Variants in KIF24 observed in about 807,000 individuals in gnomAD.
KIF24 encodes the protein kinesin family member 24, also known as kinesin-like protein KIF24.
A neutral mutation model predicts 118.9 loss-of-function variants in KIF24; 81 were observed. The observed-to-expected ratio is 0.68, with a 90% confidence interval of 0.57 to 0.82. The LOEUF (loss-of-function observed/expected upper bound fraction) is 0.82, where lower values mean the gene tolerates loss of function less well. KIF24 is among the 40% of genes least tolerant of loss of function. The probability of loss-of-function intolerance (pLI) is 0.00; values close to 1 mark genes in which losing one functional copy is unlikely to be tolerated. For missense variants in KIF24, 1,560 were observed against 1,661.6 expected, an observed-to-expected ratio of 0.94 and a Z score of 1.06; for synonymous variants, 599 against 610.0, an observed-to-expected ratio of 0.98 and a Z score of 0.27.
At chr9:34,269,427 T>G in intron 7 of KIF24, 65 bp from the exon 8 acceptor site, 1 of 805,882 alleles carries the variant, frequency 1.2e-6, no homozygotes, top group African/African-American at 1.8e-5. Flanking sequence ...TTATTTTTAT[T>G]ATTATTTTTT....
At chr9:34,271,281 C>A (rs867470532) in intron 7 of KIF24, among the ~76,000 whole-genome samples, 13 of 146,660 alleles carry the variant, frequency 8.9e-5, no homozygotes, top group African/African-American at 3.0e-4. Context: ...ACTTAAGTAA[C>A]CACTTAGGTA....
Position 34,257,487 on chromosome 9 carries a change from T to G in KIF24, c.2120A>C (p.Gln707Pro). 7 of 1,614,096 alleles carry G rather than the reference T, an allele frequency of 4.3e-6. No homozygotes were observed. The highest frequency in any genetic ancestry group is 5.9e-6 in the Non-Finnish European group (7 of 1,179,912). The change falls in exon 11 of 13, where the codon CAG (glutamine) becomes CCG (proline). Residue 707 changes from glutamine to proline, a missense_variant. This residue lies in a region of KIF24 where 964 missense variants were observed against 988.0 expected (regional missense o/e 0.98). Coordinates refer to ENST00000402558, the MANE Select transcript of KIF24 (RefSeq NM_194313.4). ...GKLSTKCKKV[Q>P]TVQPVQKQLV... ...CTGCTTCTGTACTGGCTGCACTGTC[T>G]GCACTTTCTTGCACTTGGTGGACAG...
chr9:34,321,236 C>T (rs1259207026), intron 1 of KIF24, among the ~76,000 whole-genome samples: 1 of 151,710 alleles, frequency 6.6e-6, no homozygotes, highest in Non-Finnish European at 1.5e-5. Context: ...ATTTTTATTT[C>T]AAATATCTGT....
At chr9:34,314,875 G>C (rs528180927) in intron 1 of KIF24, among the ~76,000 whole-genome samples, 4 of 152,236 alleles carry the variant, frequency 2.6e-5, no homozygotes, top group Non-Finnish European at 5.9e-5. Context: ...ATTTAAAAAA[G>C]AAAGCTGTCC....
intron 3 of KIF24, among the ~76,000 whole-genome samples, chr9:34,300,043 T>C (rs1836639440): frequency 6.6e-6 from 1 of 152,172 alleles, no homozygotes; most frequent in Admixed American, 6.6e-5. Context: ...GCCAATTTAC[T>C]GTGGGTCACT....
At chr9:34,262,965 C>T (rs1003956110) in intron 9 of KIF24, 136 bp downstream of exon 9, 4 of 661,474 alleles carry the variant, frequency 6.0e-6, no homozygotes, top group African/African-American at 5.4e-5. Context: ...GAATTTCACT[C>T]CTCTCCTTCT....
chr9:34,298,900 C>A (rs888768050), intron 3 of KIF24, among the ~76,000 whole-genome samples: 1 of 151,866 alleles, frequency 6.6e-6, no homozygotes, highest in African/African-American at 2.4e-5. Flanking sequence ...AAGACGACTT[C>A]CAAATGAAAA....
In KIF24 at chr9:34,255,946, C is replaced by G; in HGVS notation, c.3661G>C (p.Ala1221Pro). The G allele has an allele frequency of 6.2e-7, 1 of 1,613,946 alleles. No homozygotes were observed. The highest frequency in any genetic ancestry group is 8.5e-7 in the Non-Finnish European group (1 of 1,179,868). ...GSSDVADQLW[A>P]QERKHPTRLG... is the part of the protein sequence containing the mutation. ...CTTGTAGGATGTTTTCTCTCCTGGG[C>G]CCAGAGCTGGTCAGCCACATCACTA... Residue 1221 changes from alanine (A) to proline (P), a missense_variant, in exon 11 of 13, where the codon GCC becomes CCC. Around this residue, in one of 3 missense-constraint regions of KIF24, gnomAD observed 591 missense variants for 655.6 expected, o/e 0.90. Transcript: ENST00000402558.
At chr9:34,310,596 CATG>C in intron 2 of KIF24, 125 bp downstream of exon 2, 1 of 618,220 alleles carries the variant, frequency 1.6e-6, no homozygotes, top group Non-Finnish European at 2.7e-6. Flanking sequence ...AAATGCTGTT[CATG>C]ATAATTTCTG....
chr9:34,322,787 C>T (rs1441608587), intron 1 of KIF24, among the ~76,000 whole-genome samples: 1 of 152,032 alleles, frequency 6.6e-6, no homozygotes, highest in Non-Finnish European at 1.5e-5. Context: ...GCCTGGGAGG[C>T]GGAGGTTGCA....
intron 7 of KIF24, among the ~76,000 whole-genome samples, chr9:34,269,566 C>G (rs1023970994): frequency 1.3e-5 from 2 of 151,988 alleles, no homozygotes; most frequent in South Asian, 4.2e-4. Context: ...ACTACAGGCG[C>G]CCGCCACCAC....
At chr9:34,297,687 A>G (rs555881214) in intron 3 of KIF24, among the ~76,000 whole-genome samples, 252 of 151,802 alleles carry the variant, frequency 1.7e-3, no homozygotes, top group African/African-American at 5.9e-3. Flanking sequence ...GCGTGAACCC[A>G]GGAGGTGGAG....
chr9:34,276,402 C>CA (rs11419785), intron 6 of KIF24, among the ~76,000 whole-genome samples: 27,723 of 80,318 alleles, frequency 0.35, 3,400 homozygotes, highest in East Asian at 0.49. Context: ...AACTGCATCT[C>CA]AAAAAAAAAA....
intron 2 of KIF24, among the ~76,000 whole-genome samples, chr9:34,307,056 T>G (rs1239573122): frequency 6.6e-6 from 1 of 152,102 alleles, no homozygotes; most frequent in East Asian, 1.9e-4. Context: ...TCCTTAGCCC[T>G]CCAACTGGCT....
intron 2 of KIF24, among the ~76,000 whole-genome samples, chr9:34,307,881 A>G (rs1324427694): frequency 1.3e-5 from 2 of 149,148 alleles, no homozygotes. Flanking sequence ...AAAAAAAAAG[A>G]AAAAAGAAAA....
At chr9:34,292,619 C>A (rs1836297126) in intron 4 of KIF24, among the ~76,000 whole-genome samples, 1 of 151,994 alleles carries the variant, frequency 6.6e-6, no homozygotes, top group African/African-American at 2.4e-5. Context: ...AGGTAGAAAA[C>A]AAAGAAAGAG....
intron 6 of KIF24, among the ~76,000 whole-genome samples, chr9:34,283,809 C>T (rs780006262): frequency 1.3e-5 from 2 of 152,150 alleles, no homozygotes; most frequent in Non-Finnish European, 2.9e-5. Context: ...TATTCTCAAT[C>T]AGGGAAATGC....
At chr9:34,304,888 T>C (rs1385998933) in intron 3 of KIF24, among the ~76,000 whole-genome samples, 4 of 152,208 alleles carry the variant, frequency 2.6e-5, no homozygotes, top group Non-Finnish European at 5.9e-5. Context: ...ATTGCTAGCA[T>C]ACCAGATTTT....
intron 1 of KIF24, among the ~76,000 whole-genome samples, chr9:34,321,772 A>C (rs1837534013): frequency 6.6e-6 from 1 of 151,762 alleles, no homozygotes; most frequent in Non-Finnish European, 1.5e-5. Flanking sequence ...AAACCTGACT[A>C]ATTTTTTTAT....
Sources: allele counts gnomAD v4.1 joint callset (sites outside exome capture counted in the v4.1 genomes callset), GRCh38; gene constraint gnomAD v4.1.1; regional missense constraint gnomAD v4.1.1; transcripts MANE v1.5; gene names NCBI Gene and HGNC (gene_info 2026-07-23, HGNC 2026-07-21).